Variants in NDST3 observed in about 807,000 individuals in gnomAD.
NDST3 encodes the protein bifunctional heparan sulfate N-deacetylase/N-sulfotransferase 3.
A neutral mutation model predicts 96.1 loss-of-function variants in NDST3; 58 were observed. The ratio of observed to expected loss-of-function variants is 0.60; its 90% CI spans 0.49 to 0.75. The LOEUF (loss-of-function observed/expected upper bound fraction) is 0.75. Ranked by LOEUF, NDST3 falls within the 30% of genes least tolerant of loss-of-function variation. NDST3 has a pLI of 0.00. For missense variants in NDST3, 788 were observed against 1,034.2 expected, an observed-to-expected ratio of 0.76 and a Z score of 3.27; for synonymous variants, 333 against 359.7, an observed-to-expected ratio of 0.93 and a Z score of 0.84.
At chr4:118,091,552 T>C (rs527727549) in intron 2 of NDST3, among the ~76,000 whole-genome samples, 1 of 151,820 alleles carries the variant, frequency 6.6e-6, no homozygotes, top group South Asian at 2.1e-4. Context: ...AATCCTTCTT[T>C]GTGATAATCA....
At position 118,255,844 on chromosome 4, in the gene NDST3, T is replaced by C; in HGVS notation, c.*132T>C. ...AAAAAGAACAGTTTCTTCCATGTGC[T>C]GGCACGTGGATGATTAGAAAAAAAG... On this transcript the variant is annotated 3_prime_UTR_variant, in exon 14 of 14. Coordinates refer to ENST00000296499, the MANE Select transcript of NDST3 (RefSeq NM_004784.3). The C allele has an allele frequency of 2.8e-6, 3 of 1,059,900 alleles. No homozygotes were observed. Among genetic ancestry groups the C allele is most frequent in the African/African-American group, 1.6e-5 (1 of 62,150 alleles). 65.7% of individuals were successfully genotyped at this position (1,059,900 alleles called of 1,614,324 possible). A position where few individuals can be genotyped will look rare whatever the true frequency, so the allele number is the denominator to read the frequency against.
At chr4:118,128,110 T>A (rs1209841935) in intron 4 of NDST3, among the ~76,000 whole-genome samples, 1 of 152,106 alleles carries the variant, frequency 6.6e-6, no homozygotes, top group Non-Finnish European at 1.5e-5. Flanking sequence ...TTTCCAAATA[T>A]AAGATTATAT....
chr4:118,229,672 T>C (rs1740143228), intron 8 of NDST3, among the ~76,000 whole-genome samples: 1 of 152,208 alleles, frequency 6.6e-6, no homozygotes, highest in African/African-American at 2.4e-5. Flanking sequence ...TTTAATACAA[T>C]TCTTAAAAAT....
chr4:118,048,491 T>C (rs960530909), intron 1 of NDST3, among the ~76,000 whole-genome samples: 1 of 152,102 alleles, frequency 6.6e-6, no homozygotes, highest in African/African-American at 2.4e-5. Flanking sequence ...CAATTTCACA[T>C]GTAATGGTAC....
chr4:118,195,743 T>C (rs185731607), intron 6 of NDST3, among the ~76,000 whole-genome samples: 1 of 152,324 alleles, frequency 6.6e-6, no homozygotes, highest in Non-Finnish European at 1.5e-5. Context: ...GTTCTAATAG[T>C]TTTTTGGTGG....
intron 4 of NDST3, among the ~76,000 whole-genome samples, chr4:118,137,161 G>A (rs983042807): frequency 6.6e-6 from 1 of 152,088 alleles, no homozygotes; most frequent in African/African-American, 2.4e-5. Context: ...CATGAAGACA[G>A]TCATTAATTT....
intron 8 of NDST3, among the ~76,000 whole-genome samples, chr4:118,228,256 T>C (rs1740037478): frequency 6.6e-6 from 1 of 152,196 alleles, no homozygotes; most frequent in Non-Finnish European, 1.5e-5. Context: ...TGTCCTTATC[T>C]ATCTAAAGTC....
chr4:118,039,590 C>T (rs376329304), intron 1 of NDST3, among the ~76,000 whole-genome samples: 1 of 152,094 alleles, frequency 6.6e-6, no homozygotes, highest in African/African-American at 2.4e-5. Flanking sequence ...GAACATACTA[C>T]AGAGGTAAAG....
chr4:118,092,075 T>C (rs139837828), intron 2 of NDST3, among the ~76,000 whole-genome samples: 4,581 of 149,652 alleles, frequency 0.031, 262 homozygotes, highest in African/African-American at 0.11. Context: ...TTTATTTATT[T>C]ATTATATTTT....
At chr4:118,220,022 A>T (rs568308083) in intron 6 of NDST3, among the ~76,000 whole-genome samples, 1 of 152,200 alleles carries the variant, frequency 6.6e-6, no homozygotes, top group South Asian at 2.1e-4. Flanking sequence ...TGTTGGTAGG[A>T]ATGTAAATTA....
intron 3 of NDST3, among the ~76,000 whole-genome samples, chr4:118,106,715 C>T (rs1730213349): frequency 6.6e-6 from 1 of 151,940 alleles, no homozygotes; most frequent in African/African-American, 2.4e-5. Context: ...AACTTGAGCT[C>T]AGGAGGTCTA....
chr4:118,227,552 T>C (rs1739970287), intron 8 of NDST3, among the ~76,000 whole-genome samples: 1 of 151,978 alleles, frequency 6.6e-6, no homozygotes, highest in Non-Finnish European at 1.5e-5. Flanking sequence ...CTTTTGCACC[T>C]TTTCTTAAAT....
intron 6 of NDST3, among the ~76,000 whole-genome samples, chr4:118,179,598 C>T (rs1736472509): frequency 6.6e-6 from 1 of 151,894 alleles, no homozygotes; most frequent in Non-Finnish European, 1.5e-5. Flanking sequence ...TATCCTGTAG[C>T]CTTAAACCTA....
At chr4:118,047,847 G>A (rs542726368) in intron 1 of NDST3, among the ~76,000 whole-genome samples, 18 of 152,260 alleles carry the variant, frequency 1.2e-4, no homozygotes, top group African/African-American at 3.9e-4. Flanking sequence ...CACTAGAGAG[G>A]TTGAGTTGCA....
Position 118,233,124 on chromosome 4 carries a change from G to A in NDST3, c.1932G>A (p.Arg644=). 6.2e-7 allele frequency: 1 copy of A among 1,612,342 alleles called. No individual in the cohort carries two copies. The highest frequency in any genetic ancestry group is 8.5e-7 in the Non-Finnish European group (1 of 1,178,662). Residue 644 remains arginine (R), a synonymous_variant, in exon 9 of 14, where the codon AGG becomes AGA. Coordinates refer to ENST00000296499, the MANE Select transcript of NDST3 (RefSeq NM_004784.3). The stretch of plus-strand genomic sequence containing the variant: ...TCTTTAATAGAAATAACTACCACAG[G>A]GGGATTGATTGGTAAGATGGGTTAT... ...VQFFNRNNYH[R]GIDWYMDFFP... is the part of the protein sequence containing the mutation.
chr4:118,146,605 C>T (rs953180853), intron 6 of NDST3, among the ~76,000 whole-genome samples: 1 of 152,062 alleles, frequency 6.6e-6, no homozygotes. Context: ...TCTAATGTTA[C>T]CAAAATATTT....
At chr4:118,253,970 G>A (rs1741939037) in intron 13 of NDST3, among the ~76,000 whole-genome samples, 1 of 152,184 alleles carries the variant, frequency 6.6e-6, no homozygotes, top group South Asian at 2.1e-4. Context: ...GCCGAGTGTG[G>A]CGGCTCATGC....
At chr4:118,179,760 C>A (rs577336887) in intron 6 of NDST3, among the ~76,000 whole-genome samples, 2 of 152,128 alleles carry the variant, frequency 1.3e-5, no homozygotes, top group Admixed American at 1.3e-4. Flanking sequence ...CTCAAGTAAG[C>A]CTCAACATTT....
chr4:118,187,384 G>A (rs557646658), intron 6 of NDST3, among the ~76,000 whole-genome samples: 6 of 152,272 alleles, frequency 3.9e-5, no homozygotes, highest in Non-Finnish European at 8.8e-5. Context: ...CAGAAAGAGC[G>A]ATCTAACAAA....
Sources: allele counts gnomAD v4.1 joint callset (sites outside exome capture counted in the v4.1 genomes callset), GRCh38; gene constraint gnomAD v4.1.1; transcripts MANE v1.5; gene names NCBI Gene and HGNC (gene_info 2026-07-23, HGNC 2026-07-21).